EIF4E3: variants seen among roughly 807,000 people sequenced by gnomAD.
EIF4E3 encodes eukaryotic translation initiation factor 4E family member 3.
A neutral mutation model predicts 31.7 loss-of-function variants in EIF4E3; 26 were observed. That is an observed-to-expected ratio of 0.82 (90% confidence interval 0.60 to 1.14). The LOEUF is 1.14. Among genes scored for constraint, EIF4E3 ranks in the 50% most tolerant of loss-of-function variants. The pLI, the probability that EIF4E3 is intolerant of heterozygous loss-of-function variation, is 0.00. For synonymous variants in EIF4E3, 128 were observed against 107.7 expected (o/e 1.19, Z -1.17); for missense variants, 304 against 270.9 (o/e 1.12, Z -0.86).
the EIF4E3 span, among the ~76,000 whole-genome samples, chr3:71,659,701 T>C: frequency 6.6e-6 from 1 of 152,192 alleles, no homozygotes; most frequent in Admixed American, 6.5e-5. Context: ...CAATTAGAAA[T>C]GTAATTCTCA....
At chr3:71,749,667 C>T (rs1455258353) in intron 1 of EIF4E3, among the ~76,000 whole-genome samples, 1 of 151,386 alleles carries the variant, frequency 6.6e-6, no homozygotes, top group Non-Finnish European at 1.5e-5. Flanking sequence ...TCTATACGTA[C>T]ATCAAAGAAG....
At chr3:71,717,524 T>C (rs1318244125) in intron 1 of EIF4E3, among the ~76,000 whole-genome samples, 3 of 152,332 alleles carry the variant, frequency 2.0e-5, no homozygotes, top group African/African-American at 7.2e-5. Context: ...GTCCTTGGCT[T>C]AATCATCTCC....
chr3:71,750,265 G>A (rs140773053), intron 1 of EIF4E3, among the ~76,000 whole-genome samples: 6 of 152,118 alleles, frequency 3.9e-5, no homozygotes, highest in East Asian at 1.9e-4. Context: ...TTGGTCCAAC[G>A]TCCCATTTCA....
At position 71,702,699 on chromosome 3, in the gene EIF4E3, C is replaced by T. The variant is rs2049234742; in HGVS notation, c.250-2991G>A. On this transcript the variant is annotated intron_variant, in intron 2 of 6. Coordinates refer to ENST00000425534, the MANE Select transcript of EIF4E3 (RefSeq NM_001134651.2). ...GAGCATAAAATAGGAGCAAAATATC[C>T]GGTCACACCATTAAAAAAAAAAAAA... is the stretch of plus-strand genomic sequence containing the variant. 2.7e-5 allele frequency among the ~76,000 whole-genome samples: 4 copies of T among 147,934 alleles called. No homozygotes were observed. The South Asian group carries it at 6.4e-4, about 24-fold the overall frequency.
chr3:71,707,485 A>T (rs889072067), intron 2 of EIF4E3, among the ~76,000 whole-genome samples: 24 of 152,200 alleles, frequency 1.6e-4, no homozygotes, highest in African/African-American at 5.5e-4. Context: ...CTTTCACTCT[A>T]CCTTAGCGAG....
intron 4 of EIF4E3, 77 bp from the exon 5 acceptor site, chr3:71,694,018 A>C: frequency 1.4e-6 from 2 of 1,394,332 alleles, no homozygotes; most frequent in Non-Finnish European, 1.9e-6. Context: ...GGAGCTAAAC[A>C]AATTATGTTT....
chr3:71,707,013 C>CA (rs1270498629), intron 2 of EIF4E3, among the ~76,000 whole-genome samples: 1 of 152,170 alleles, frequency 6.6e-6, no homozygotes, highest in Non-Finnish European at 1.5e-5. Context: ...TCTTTACATA[C>CA]ACCTCTGTGT....
the EIF4E3 span, among the ~76,000 whole-genome samples, chr3:71,663,460 G>C: frequency 2.0e-5 from 3 of 152,296 alleles, no homozygotes; most frequent in Admixed American, 2.0e-4. Flanking sequence ...CAAACCTACA[G>C]ACAAAGATTG....
intron 3 of EIF4E3, among the ~76,000 whole-genome samples, chr3:71,699,288 G>A (rs2049181769): frequency 6.6e-6 from 1 of 151,998 alleles, no homozygotes; most frequent in South Asian, 2.1e-4. Context: ...AACAAATTAG[G>A]TTTCTGTCAT....
At position 71,681,092 on chromosome 3, in the gene EIF4E3, T is replaced by C. The variant is rs535213337; in HGVS notation, c.*3590A>G. ...TCTTCCCAATCACTTATAAGGCCAA[T>C]GAGAGCCTAGGATTTGAGATATTTT... is the stretch of plus-strand genomic sequence containing the variant. On this transcript the variant is annotated 3_prime_UTR_variant, in exon 7 of 7. Transcript: ENST00000425534. 3 of 152,222 alleles carry C rather than the reference T, an allele frequency of 2.0e-5. No individual in the cohort carries two copies. Among genetic ancestry groups the C allele is most frequent in the Non-Finnish European group, 2.9e-5 (2 of 68,038 alleles). 9.4% of individuals were successfully genotyped at this position (152,222 alleles called of 1,614,324 possible).
In EIF4E3 at chr3:71,714,239, A is replaced by AG. The variant is rs1239341420; in HGVS notation, c.177-3756dup. 1.9e-3 allele frequency among the ~76,000 whole-genome samples: 256 copies of AG among 138,258 alleles called. 2 individuals are homozygous for AG. The highest frequency in any genetic ancestry group is 6.7e-3 in the African/African-American group (243 of 36,008). 90.7% of individuals were successfully genotyped at this position (138,258 alleles called of 152,430 possible). A position where few individuals can be genotyped will look rare whatever the true frequency, so the allele number is the denominator to read the frequency against. On this transcript the variant is annotated intron_variant, in intron 1 of 6. Transcript: ENST00000425534. ...AAAAAAAGAAAGAAAGAAGGGAAGA[A>AG]GGAAAGGAAGGAAGGAAGGAAGGAA...
intron 1 of EIF4E3, among the ~76,000 whole-genome samples, chr3:71,711,277 C>T (rs1297689789): frequency 2.0e-5 from 3 of 152,166 alleles, no homozygotes; most frequent in Admixed American, 6.5e-5. Context: ...ATTGAATTAG[C>T]AGTTCATGCT....
At chr3:71,664,127 A>G in the EIF4E3 span, among the ~76,000 whole-genome samples, 1 of 152,178 alleles carries the variant, frequency 6.6e-6, no homozygotes, top group African/African-American at 2.4e-5. Context: ...GACTTTATCT[A>G]CAGGGCAATG....
At chr3:71,731,935 T>C (rs2049711116) in intron 1 of EIF4E3, among the ~76,000 whole-genome samples, 1 of 152,234 alleles carries the variant, frequency 6.6e-6, no homozygotes, top group South Asian at 2.1e-4. Flanking sequence ...TACATATACT[T>C]GGAATATATA....
At chr3:71,689,779 AT>A (rs1320607124) in intron 6 of EIF4E3, among the ~76,000 whole-genome samples, 1 of 151,712 alleles carries the variant, frequency 6.6e-6, no homozygotes, top group Non-Finnish European at 1.5e-5. Context: ...AATATTTGTT[AT>A]TTCGTTTTCT....
At chr3:71,711,355 C>G (rs1347574069) in intron 1 of EIF4E3, among the ~76,000 whole-genome samples, 1 of 152,200 alleles carries the variant, frequency 6.6e-6, no homozygotes, top group East Asian at 1.9e-4. Context: ...TGCATGAAAG[C>G]CCACATCTGG....
intron 3 of EIF4E3, among the ~76,000 whole-genome samples, chr3:71,697,506 G>T (rs1387090795): frequency 6.6e-6 from 1 of 151,984 alleles, no homozygotes; most frequent in East Asian, 1.9e-4. Flanking sequence ...TGTGCTCCAA[G>T]ACCTCATTCA....
intron 1 of EIF4E3, among the ~76,000 whole-genome samples, chr3:71,731,542 CTTGTCCACCT>C (rs987873756): frequency 8.5e-5 from 13 of 152,216 alleles, no homozygotes; most frequent in African/African-American, 3.1e-4. Flanking sequence ...CCAGGCCTCT[CTTGTCCACCT>C]TTGTCCACCC....
At chr3:71,722,111 A>C (rs1307052148) in intron 1 of EIF4E3, among the ~76,000 whole-genome samples, 1 of 112,724 alleles carries the variant, frequency 8.9e-6, no homozygotes, top group African/African-American at 3.6e-5. Context: ...CGGGGGTGGG[A>C]GGTGGTTACA....
Sources: allele counts gnomAD v4.1 joint callset (sites outside exome capture counted in the v4.1 genomes callset), GRCh38; gene constraint gnomAD v4.1.1; transcripts MANE v1.5; gene names NCBI Gene and HGNC (gene_info 2026-07-23, HGNC 2026-07-21).